Variants in P2RY8 observed in about 807,000 individuals in gnomAD.
P2RY8 encodes the protein P2Y receptor family member 8, also known as S-geranylgeranyl-glutathione receptor P2RY8.
P2RY8 carries 6 observed loss-of-function variants against 10.0 expected under a neutral mutation model. The ratio of observed to expected loss-of-function variants is 0.60; its 90% CI spans 0.33 to 1.19. The LOEUF is 1.19. Among genes scored for constraint, P2RY8 ranks in the 50% most tolerant of loss-of-function variants. The pLI, the probability that P2RY8 is intolerant of heterozygous loss-of-function variation, is 0.04. For synonymous variants in P2RY8, 276 were observed against 252.5 expected (o/e 1.09, Z -0.88); for missense variants, 456 against 542.0 (o/e 0.84, Z 1.58).
At chrX:1,511,542 C>T (rs1445156983) in intron 1 of P2RY8, among the ~76,000 whole-genome samples, 9 of 152,124 alleles carry the variant, frequency 5.9e-5, no homozygotes, top group African/African-American at 1.2e-4. Flanking sequence ...CTTTAAGCGA[C>T]GAGATCTCGG....
At chrX:1,516,297 C>T (rs1381183380) in intron 1 of P2RY8, among the ~76,000 whole-genome samples, 1 of 105,572 alleles carries the variant, frequency 9.5e-6, no homozygotes, top group Non-Finnish European at 2.0e-5. Context: ...CTTCTTCACC[C>T]CTCTCCCACA....
chrX:1,534,275 CAT>C (rs1199097994), intron 1 of P2RY8, among the ~76,000 whole-genome samples: 1 of 142,820 alleles, frequency 7.0e-6, no homozygotes, highest in African/African-American at 2.6e-5. Flanking sequence ...ATATGTAATA[CAT>C]ATATATATAC....
intron 1 of P2RY8, among the ~76,000 whole-genome samples, chrX:1,480,974 C>T (rs369827590): frequency 2.7e-3 from 410 of 151,898 alleles, no homozygotes; most frequent in Non-Finnish European, 4.7e-3. Context: ...AATTCACCTA[C>T]GAAAAATCAC....
intron 1 of P2RY8, among the ~76,000 whole-genome samples, chrX:1,498,100 C>G (rs2092134608): frequency 6.6e-6 from 1 of 151,960 alleles, no homozygotes; most frequent in South Asian, 2.1e-4. Flanking sequence ...AAACAGCACC[C>G]ACAGTGTCAG....
intron 1 of P2RY8, chrX:1,494,182 G>C (rs1318044471): frequency 6.6e-6 from 1 of 152,276 alleles, no homozygotes; most frequent in South Asian, 2.1e-4. Flanking sequence ...AGGGGGTCCT[G>C]GGGGACCCTC....
chrX:1,471,928 C>A (rs773718855), intron 1 of P2RY8, among the ~76,000 whole-genome samples: 3 of 152,278 alleles, frequency 2.0e-5, no homozygotes, highest in Admixed American at 2.0e-4. Flanking sequence ...CACAAGCCAG[C>A]CCCGTGCTTG....
intron 1 of P2RY8, among the ~76,000 whole-genome samples, chrX:1,468,422 C>T (rs1479241557): frequency 6.6e-6 from 1 of 152,140 alleles, no homozygotes; most frequent in Non-Finnish European, 1.5e-5. Context: ...GAGTCTGTGC[C>T]CTGTGGCCAC....
chrX:1,466,345 G>A lies in P2RY8; in HGVS notation c.214C>T (p.Leu72=), dbSNP rs2149370437. 3 of 1,613,882 alleles carry A rather than the reference G, an allele frequency of 1.9e-6. No individual in the cohort carries two copies. Among genetic ancestry groups the A allele is most frequent in the Non-Finnish European group, 2.5e-6 (3 of 1,179,862 alleles). Residue 72 remains leucine (L), a synonymous_variant, in exon 2 of 2, where the codon CTG becomes TTG. Coordinates refer to ENST00000381297, the MANE Select transcript of P2RY8 (RefSeq NM_178129.5). The part of the protein sequence containing the change: ...MINLSVTDLM[L]ASVLPFQIYY... ...ATTTGGAAAGGCAACACGCTGGCCA[G>A]CATCAGGTCCGTGACGCTCAGGTTG...
chrX:1,501,909 G>GATT lies in P2RY8; in HGVS notation c.-25+35009_-25+35011dup, dbSNP rs1377524390. Among the ~76,000 whole-genome samples, 151 of 147,510 alleles carry GATT rather than the reference G, an allele frequency of 1.0e-3. No homozygotes were observed. The Middle Eastern group carries it at 0.031, about 31-fold the overall frequency. Reference sequence around the variant, plus strand: ...CGCCCGGCGAGTTTTCATTTTTATTGATTATTATTATTATTTTTTGAGACG... The same window carrying GATT: ...CGCCCGGCGAGTTTTCATTTTTATTGATTATTATTATTATTATTTTTTGAGACG... On this transcript the variant is annotated intron_variant, in intron 1 of 1. Coordinates refer to ENST00000381297, the MANE Select transcript of P2RY8 (RefSeq NM_178129.5).
intron 1 of P2RY8, among the ~76,000 whole-genome samples, chrX:1,511,946 G>A (rs2092300096): frequency 6.6e-6 from 1 of 152,098 alleles, no homozygotes; most frequent in Admixed American, 6.5e-5. Flanking sequence ...GGAATTCCAG[G>A]TGAGCAAGTG....
chrX:1,488,119 AAAG>A (rs1307942642), intron 1 of P2RY8, among the ~76,000 whole-genome samples: 26 of 142,006 alleles, frequency 1.8e-4, no homozygotes, highest in African/African-American at 3.9e-4. Flanking sequence ...TAAAAAAAAA[AAAG>A]AAGAAGAAGA....
rs1339589446 is a variant in P2RY8 at position 1,465,064 on chromosome X, G to C, written c.*415C>G. On this transcript the variant is annotated 3_prime_UTR_variant, in exon 2 of 2. Transcript: ENST00000381297. ...TATCCAGAAACCGAGTCGGGTAGGC[G>C]GTGGGGCTGGTTGAATATCCACCCT... 1 of 265,852 alleles carries C rather than the reference G, an allele frequency of 3.8e-6. No homozygotes were observed. Among genetic ancestry groups the C allele is most frequent in the African/African-American group, 2.2e-5 (1 of 46,212 alleles). 16.5% of individuals were successfully genotyped at this position (265,852 alleles called of 1,614,324 possible).
intron 1 of P2RY8, among the ~76,000 whole-genome samples, chrX:1,483,527 A>G (rs747971483): frequency 6.6e-6 from 1 of 152,162 alleles, no homozygotes; most frequent in Admixed American, 6.5e-5. Context: ...CCAGCTACTC[A>G]GGAGGCTGAG....
chrX:1,517,697 T>A (rs2092361059), intron 1 of P2RY8, among the ~76,000 whole-genome samples: 2 of 152,134 alleles, frequency 1.3e-5, no homozygotes, highest in African/African-American at 4.8e-5. Context: ...GGAAGCATGC[T>A]CAGACCCAAG....
chrX:1,507,404 G>A (rs190581769), intron 1 of P2RY8, among the ~76,000 whole-genome samples: 6 of 152,204 alleles, frequency 3.9e-5, no homozygotes, highest in East Asian at 1.9e-4. Context: ...CTCATCTCTC[G>A]TTGGATGAGG....
intron 1 of P2RY8, among the ~76,000 whole-genome samples, chrX:1,523,500 T>G (rs2092407734): frequency 6.6e-6 from 1 of 151,964 alleles, no homozygotes; most frequent in Admixed American, 6.6e-5. Context: ...GGCTGAAAAA[T>G]ATTGCAGATT....
chrX:1,521,396 G>A (rs189781018), intron 1 of P2RY8, among the ~76,000 whole-genome samples: 2 of 151,124 alleles, frequency 1.3e-5, no homozygotes, highest in East Asian at 3.9e-4. Context: ...AATATCTCTG[G>A]TCCCCAATAT....
chrX:1,512,220 C>T (rs1231372156), intron 1 of P2RY8, among the ~76,000 whole-genome samples: 1 of 151,984 alleles, frequency 6.6e-6, no homozygotes, highest in Non-Finnish European at 1.5e-5. Context: ...TGCAGGCAGG[C>T]CCACGGTATT....
At chrX:1,514,304 CT>C (rs2149405177) in intron 1 of P2RY8, among the ~76,000 whole-genome samples, 1 of 151,014 alleles carries the variant, frequency 6.6e-6, no homozygotes, top group South Asian at 2.1e-4. Flanking sequence ...CGCCCCTTTC[CT>C]TTCCTTTTCC....
Sources: allele counts gnomAD v4.1 joint callset (sites outside exome capture counted in the v4.1 genomes callset), GRCh38; gene constraint gnomAD v4.1.1; transcripts MANE v1.5; gene names NCBI Gene and HGNC (gene_info 2026-07-23, HGNC 2026-07-21).